The following CRY1 variants were observed in gnomAD, a reference collection of about 807,000 sequenced individuals.
CRY1 encodes the protein cryptochrome circadian regulator 1, also known as cryptochrome-1.
In CRY1, 45 loss-of-function variants were observed where a neutral mutation model predicts 76.0. The observed-to-expected ratio is 0.59, with a 90% confidence interval of 0.47 to 0.76. The LOEUF is 0.76. CRY1 is among the 30% of genes least tolerant of loss of function. The pLI is 0.00. For synonymous variants in CRY1, 248 were observed against 244.0 expected (o/e 1.02, Z -0.15); for missense variants, 587 against 716.4 (o/e 0.82, Z 2.06).
chr12:107,049,438 G>A (rs576965913), intron 1 of CRY1, among the ~76,000 whole-genome samples: 5 of 152,198 alleles, frequency 3.3e-5, no homozygotes, highest in East Asian at 1.9e-4. Context: ...GCAGTAGTGC[G>A]ATCTTGGCTC....
At chr12:107,077,959 C>G (rs1056057953) in intron 1 of CRY1, among the ~76,000 whole-genome samples, 2 of 152,102 alleles carry the variant, frequency 1.3e-5, no homozygotes, top group Non-Finnish European at 2.9e-5. Context: ...ATTTTCAAAA[C>G]AGTAAAATTA....
At position 107,001,859 on chromosome 12, in the gene CRY1, A is replaced by G. The variant is rs769641906; in HGVS notation, c.500T>C (p.Val167Ala). 5.0e-6 allele frequency: 8 copies of G among 1,597,642 alleles called. No individual in the cohort carries two copies. In the South Asian group the frequency reaches 8.0e-5, roughly 16 times the overall value. The change falls in exon 4 of 13, where the codon GTA becomes GCA. Residue 167 changes from valine to alanine, a missense_variant. By Grantham distance (64) the Val-to-Ala change is moderately conservative. Coordinates refer to ENST00000008527, the MANE Select transcript of CRY1 (RefSeq NM_004075.5). ...ISKMEPLEIP[V>A]ETITSEVIEK... ...TATCACTTCTGAAGTAATTGTCTCT[A>G]CTGGTATCTCTAGTGGTTCCATTTT...
chr12:107,059,432 T>A (rs1272530894), intron 1 of CRY1, among the ~76,000 whole-genome samples: 1 of 152,094 alleles, frequency 6.6e-6, no homozygotes, highest in Non-Finnish European at 1.5e-5. Context: ...TCCGTTTTTT[T>A]AGTAGAGATG....
At chr12:107,052,414 T>C (rs140607703) in intron 1 of CRY1, among the ~76,000 whole-genome samples, 14 of 152,292 alleles carry the variant, frequency 9.2e-5, no homozygotes, top group African/African-American at 2.9e-4. Context: ...GTACTAGATA[T>C]TAGAAACACA....
chr12:107,069,589 A>ATATATATAAAG (rs1953155895), intron 1 of CRY1, among the ~76,000 whole-genome samples: 1 of 40,854 alleles, frequency 2.4e-5, no homozygotes, highest in African/African-American at 4.7e-5. Flanking sequence ...TATATAAAGT[A>ATATATATAAAG]TATATATATA....
At chr12:106,995,386 T>C (rs1032063684) in intron 10 of CRY1, among the ~76,000 whole-genome samples, 1 of 152,174 alleles carries the variant, frequency 6.6e-6, no homozygotes, top group Non-Finnish European at 1.5e-5. Flanking sequence ...AAGGTTTTAT[T>C]CTTAATATCA....
intron 2 of CRY1, among the ~76,000 whole-genome samples, chr12:107,012,320 T>C (rs975680940): frequency 6.6e-6 from 1 of 152,218 alleles, no homozygotes; most frequent in African/African-American, 2.4e-5. Context: ...ATTCTAAAAC[T>C]CCTAGGTCCC....
intron 1 of CRY1, among the ~76,000 whole-genome samples, chr12:107,086,225 T>C (rs1330135418): frequency 1.3e-5 from 2 of 150,894 alleles, no homozygotes; most frequent in Non-Finnish European, 3.0e-5. Flanking sequence ...GATATGGGAG[T>C]TCAAAAAAAA....
At chr12:107,012,236 A>G (rs1231928927) in intron 2 of CRY1, among the ~76,000 whole-genome samples, 3 of 152,288 alleles carry the variant, frequency 2.0e-5, no homozygotes, top group African/African-American at 2.4e-5. Flanking sequence ...TCAAAGCTTC[A>G]AAGGACAGGC....
chr12:107,038,403 A>G (rs1952761085), intron 1 of CRY1, among the ~76,000 whole-genome samples: 1 of 152,320 alleles, frequency 6.6e-6, no homozygotes, highest in East Asian at 1.9e-4. Context: ...GAAAAGAGGA[A>G]AGATGGAATA....
intron 3 of CRY1, among the ~76,000 whole-genome samples, chr12:107,004,116 A>T (rs893617642): frequency 2.6e-5 from 4 of 152,040 alleles, no homozygotes; most frequent in Non-Finnish European, 5.9e-5. Flanking sequence ...AAACAATTTT[A>T]TGCATAACAC....
At chr12:107,061,960 C>T (rs190321017) in intron 1 of CRY1, among the ~76,000 whole-genome samples, 14 of 136,926 alleles carry the variant, frequency 1.0e-4, no homozygotes, top group African/African-American at 3.6e-4. Flanking sequence ...GAAGTGGAGG[C>T]GGATGCAGTG....
chr12:107,058,134 T>A (rs913920389), intron 1 of CRY1, among the ~76,000 whole-genome samples: 30 of 152,138 alleles, frequency 2.0e-4, no homozygotes. Context: ...AAGATGAGAA[T>A]ATAACTCCTT....
At chr12:107,046,404 T>C (rs1039599394) in intron 1 of CRY1, among the ~76,000 whole-genome samples, 1 of 151,190 alleles carries the variant, frequency 6.6e-6, no homozygotes, top group Non-Finnish European at 1.5e-5. Context: ...ATAACACAAA[T>C]TAGAAAAAGA....
intron 1 of CRY1, among the ~76,000 whole-genome samples, chr12:107,054,616 TTACAAGAGACATC>T (rs2095974910): frequency 1.3e-5 from 2 of 150,072 alleles, no homozygotes; most frequent in Admixed American, 6.6e-5. Context: ...TATATGCTAT[TTACAAGAGACATC>T]TAAAAGACTC....
chr12:107,092,265 A>G lies in CRY1; in HGVS notation c.158+539T>C, dbSNP rs377475568. Among the ~76,000 whole-genome samples, 25 of 152,338 alleles carry G rather than the reference A, an allele frequency of 1.6e-4. No individual in the cohort carries two copies. In the South Asian group the frequency reaches 5.2e-3, roughly 32 times the overall value. On this transcript the variant is annotated intron_variant, in intron 1 of 12. Coordinates refer to ENST00000008527, the MANE Select transcript of CRY1 (RefSeq NM_004075.5). ...AAAACTGTGCTTTGTCTCGGCAACC[A>G]CAAGGAGGAGTTGAGAAAAAGAACC...
intron 2 of CRY1, among the ~76,000 whole-genome samples, chr12:107,020,787 TAATAAATAGG>T (rs1021354071): frequency 1.3e-5 from 2 of 152,078 alleles, no homozygotes; most frequent in African/African-American, 2.4e-5. Context: ...ACTAATACAG[TAATAAATAGG>T]AAGGGATGAA....
At position 106,999,426 on chromosome 12, in the gene CRY1, A is replaced by C. The variant is rs965759963; in HGVS notation, c.1137+125T>G. ...AAAGTGTCCCCGTATTTGGGGAATT[A>C]AATGTTTTATCCACTGAAAAACTAC... On this transcript the variant is annotated intron_variant, in intron 7 of 12. Coordinates refer to ENST00000008527, the MANE Select transcript of CRY1 (RefSeq NM_004075.5). 2.4e-5 allele frequency: 20 copies of C among 848,476 alleles called. No individual in the cohort carries two copies. The African/African-American group carries it at 3.2e-4, about 14-fold the overall frequency. The allele number at this position is 848,476 out of a possible 1,614,324, so 52.6% of individuals were successfully genotyped here.
At chr12:107,017,461 C>T (rs878888639) in intron 2 of CRY1, among the ~76,000 whole-genome samples, 2 of 152,224 alleles carry the variant, frequency 1.3e-5, no homozygotes, top group African/African-American at 4.8e-5. Context: ...GGCTGCAATT[C>T]GCTGGCAGCT....
Sources: gnomAD v4.1 joint callset for allele counts (sites outside exome capture counted in the v4.1 genomes callset) on GRCh38, gnomAD v4.1.1 for gene constraint, MANE v1.5 for transcripts, NCBI Gene and HGNC (gene_info 2026-07-23, HGNC 2026-07-21) for gene names.